The following SAMD4A variants were observed in gnomAD, a reference collection of about 807,000 sequenced individuals.
SAMD4A encodes the protein protein Smaug homolog 1.
A neutral mutation model predicts 81.3 loss-of-function variants in SAMD4A; 33 were observed. That is an observed-to-expected ratio of 0.41 (90% confidence interval 0.31 to 0.54). The LOEUF is 0.54. SAMD4A is among the 20% of genes least tolerant of loss of function. The pLI, the probability that SAMD4A is intolerant of heterozygous loss-of-function variation, is 0.37. For missense variants in SAMD4A, 854 were observed against 951.1 expected, an observed-to-expected ratio of 0.90 and a Z score of 1.34; for synonymous variants, 389 against 382.1, an observed-to-expected ratio of 1.02 and a Z score of -0.21.
intron 2 of SAMD4A, among the ~76,000 whole-genome samples, chr14:54,636,029 G>A (rs887317907): frequency 5.9e-5 from 9 of 152,214 alleles, no homozygotes; most frequent in Admixed American, 3.3e-4. Flanking sequence ...AATACGTAGC[G>A]TAAGGTAAGT....
chr14:54,781,512 T>TA (rs1199577938), intron 11 of SAMD4A, among the ~76,000 whole-genome samples: 1 of 152,204 alleles, frequency 6.6e-6, no homozygotes, highest in African/African-American at 2.4e-5. Flanking sequence ...TAGCGATCCT[T>TA]ACTGAATACT....
chr14:54,684,585 C>A (rs966727515), intron 2 of SAMD4A, among the ~76,000 whole-genome samples: 1 of 151,840 alleles, frequency 6.6e-6, no homozygotes, highest in Non-Finnish European at 1.5e-5. Flanking sequence ...TGAGGGCCTG[C>A]CCTGTTTCCA....
In SAMD4A at chr14:54,764,507, T is replaced by C. The variant is rs2038485887; in HGVS notation, c.1563T>C (p.Tyr521=). 1 of 1,612,802 alleles carries C rather than the reference T, an allele frequency of 6.2e-7. No individual in the cohort carries two copies. Among genetic ancestry groups the C allele is most frequent in the Non-Finnish European group, 8.5e-7 (1 of 1,179,086 alleles). The stretch of plus-strand genomic sequence containing the variant: ...CTGATGAGGAAAATATAAGTTCCTA[T>C]TTACAGCTCATAGACAAGTGTCTAA... ...SRPDEENISS[Y]LQLIDKCLIH... Residue 521 remains tyrosine, a synonymous_variant, in exon 8 of 13, where the codon TAT becomes TAC. Coordinates refer to ENST00000554335, the MANE Select transcript of SAMD4A (RefSeq NM_015589.6).
intron 2 of SAMD4A, among the ~76,000 whole-genome samples, chr14:54,641,983 A>G (rs924958151): frequency 1.3e-5 from 2 of 152,138 alleles, no homozygotes; most frequent in East Asian, 1.9e-4. Context: ...TTTTTAGTAG[A>G]GAAAGGGTTT....
At chr14:54,677,073 C>T (rs1197621881) in intron 2 of SAMD4A, among the ~76,000 whole-genome samples, 1 of 152,182 alleles carries the variant, frequency 6.6e-6, no homozygotes, top group Non-Finnish European at 1.5e-5. Context: ...CTCCTGACTT[C>T]CCATTTCTCT....
At chr14:54,697,172 C>T (rs949188207) in intron 2 of SAMD4A, among the ~76,000 whole-genome samples, 9 of 152,230 alleles carry the variant, frequency 5.9e-5, no homozygotes, top group Admixed American at 3.9e-4. Context: ...GTCTGGCTTC[C>T]GTTTGAAGGT....
chr14:54,689,257 T>C (rs928081063), intron 2 of SAMD4A, among the ~76,000 whole-genome samples: 5 of 152,098 alleles, frequency 3.3e-5, no homozygotes, highest in Non-Finnish European at 7.4e-5. Context: ...CTAACAATTT[T>C]CCAGGCATGC....
intron 2 of SAMD4A, among the ~76,000 whole-genome samples, chr14:54,573,260 G>A (rs1029104412): frequency 2.0e-5 from 3 of 152,064 alleles, no homozygotes; most frequent in Non-Finnish European, 4.4e-5. Context: ...GGGCACTCAC[G>A]GCCTTCAACA....
chr14:54,779,667 A>G (rs1355596796), intron 11 of SAMD4A, among the ~76,000 whole-genome samples: 1 of 144,096 alleles, frequency 6.9e-6, no homozygotes, highest in Non-Finnish European at 1.5e-5. Context: ...TGTTATTCCC[A>G]CATGGACAAG....
chr14:54,614,157 T>C (rs570857841), intron 2 of SAMD4A, among the ~76,000 whole-genome samples: 5 of 152,242 alleles, frequency 3.3e-5, no homozygotes, highest in Non-Finnish European at 7.3e-5. Flanking sequence ...AACAGATACA[T>C]GAAAGAGTTT....
At chr14:54,776,689 GC>G in intron 11 of SAMD4A, 149 bp downstream of exon 11, 1 of 1,022,794 alleles carries the variant, frequency 9.8e-7, no homozygotes, top group Non-Finnish European at 1.3e-6. Flanking sequence ...ACTGTGCCTT[GC>G]CAGCATGAAT....
intron 2 of SAMD4A, among the ~76,000 whole-genome samples, chr14:54,647,967 C>T (rs765911649): frequency 2.6e-5 from 4 of 152,224 alleles, no homozygotes; most frequent in Non-Finnish European, 5.9e-5. Flanking sequence ...GTGGAATGCC[C>T]TACAGCTGCA....
chr14:54,634,088 C>T (rs2140349749), intron 2 of SAMD4A, among the ~76,000 whole-genome samples: 1 of 152,176 alleles, frequency 6.6e-6, no homozygotes, highest in East Asian at 1.9e-4. Flanking sequence ...GAGTTCGAGA[C>T]CAGCCTGGCC....
chr14:54,656,910 A>G (rs562639210), intron 2 of SAMD4A, among the ~76,000 whole-genome samples: 5 of 151,930 alleles, frequency 3.3e-5, no homozygotes, highest in African/African-American at 1.2e-4. Flanking sequence ...CAAGCTTTTT[A>G]TGTGATTTCT....
At chr14:54,758,707 A>G (rs760726701) in intron 6 of SAMD4A, among the ~76,000 whole-genome samples, 1 of 152,150 alleles carries the variant, frequency 6.6e-6, no homozygotes, top group African/African-American at 2.4e-5. Flanking sequence ...GCACATGCCC[A>G]TAATCCCAGC....
At position 54,790,215 on chromosome 14, in the gene SAMD4A, GC is replaced by G. The variant is rs1479082206; in HGVS notation, c.*1272del. 1 of 152,434 alleles carries G rather than the reference GC, an allele frequency of 6.6e-6. No homozygotes were observed. Among genetic ancestry groups the G allele is most frequent in the African/African-American group, 2.4e-5 (1 of 41,458 alleles). 9.4% of individuals were successfully genotyped at this position (152,434 alleles called of 1,614,324 possible). ...AGGGAGAGGAGGGGAGAAAGGCCCAGCAACAGCGTACAGAGGGGTCAGTCAG... is the reference window on the plus strand; with the variant it reads ...AGGGAGAGGAGGGGAGAAAGGCCCAGAACAGCGTACAGAGGGGTCAGTCAG... On this transcript the variant is annotated 3_prime_UTR_variant, in exon 13 of 13. Transcript: ENST00000554335.
At chr14:54,695,346 A>G (rs2036548690) in intron 2 of SAMD4A, among the ~76,000 whole-genome samples, 1 of 152,176 alleles carries the variant, frequency 6.6e-6, no homozygotes, top group Non-Finnish European at 1.5e-5. Context: ...TTCCAAGCTC[A>G]CTCACATGGC....
intron 2 of SAMD4A, among the ~76,000 whole-genome samples, chr14:54,605,717 A>G (rs1435754105): frequency 1.3e-5 from 2 of 152,046 alleles, no homozygotes; most frequent in Admixed American, 6.6e-5. Context: ...GTATGTAACT[A>G]TTGTAATTAA....
intron 2 of SAMD4A, chr14:54,681,927 CACTTTAGGAGGA>C (rs762804470): frequency 5.1e-6 from 5 of 985,270 alleles, no homozygotes; most frequent in Non-Finnish European, 6.0e-6. Flanking sequence ...CGCAATATCC[CACTTTAGGAGGA>C]AATGCAGAGC....
Sources: gnomAD v4.1 joint callset for allele counts (sites outside exome capture counted in the v4.1 genomes callset) on GRCh38, gnomAD v4.1.1 for gene constraint, MANE v1.5 for transcripts, NCBI Gene and HGNC (gene_info 2026-07-23, HGNC 2026-07-21) for gene names.